GSK3B: variants seen among roughly 807,000 people sequenced by gnomAD.
GSK3B encodes the protein glycogen synthase kinase-3 beta.
GSK3B carries 15 observed loss-of-function variants against 56.4 expected under a neutral mutation model. The observed-to-expected ratio is 0.27, with a 90% CI of 0.18 to 0.41. The LOEUF (loss-of-function observed/expected upper bound fraction) is 0.41. Among genes scored for constraint, GSK3B ranks in the 10% least tolerant of loss-of-function variants. GSK3B has a pLI of 1.00. For synonymous variants in GSK3B, 181 were observed against 188.9 expected (o/e 0.96, Z 0.34); for missense variants, 300 against 513.4 (o/e 0.58, Z 4.02).
At chr3:119,910,555 C>T (rs549855375) in intron 6 of GSK3B, among the ~76,000 whole-genome samples, 2 of 152,262 alleles carry the variant, frequency 1.3e-5, no homozygotes, top group South Asian at 2.1e-4. Flanking sequence ...GCCTTGATGT[C>T]GATGGCTGCT....
At chr3:119,967,834 TTCTCTCTCTCTC>T (rs202156812) in intron 2 of GSK3B, among the ~76,000 whole-genome samples, 14,285 of 118,914 alleles carry the variant, frequency 0.12, 826 homozygotes, top group African/African-American at 0.14. Flanking sequence ...CTCTTTCTCT[TTCTCTCTCTCTC>T]TCTCTCTCTC....
chr3:120,005,568 G>A (rs2057719567), intron 1 of GSK3B, among the ~76,000 whole-genome samples: 1 of 152,216 alleles, frequency 6.6e-6, no homozygotes, highest in South Asian at 2.1e-4. Context: ...CAGACTAACA[G>A]CAGATCTCTC....
chr3:119,867,465 GA>G (rs1317884892), intron 8 of GSK3B, among the ~76,000 whole-genome samples: 3 of 152,080 alleles, frequency 2.0e-5, no homozygotes, highest in Non-Finnish European at 4.4e-5. Context: ...AAAACTCTCT[GA>G]AAAAATAAAT....
In GSK3B at chr3:119,824,329, GCACACACACACACA is replaced by G. The variant is rs3835183; in HGVS notation, c.*2445_*2458del. ...TGAGAAAGAAAAATCACACATCTCA[GCACACACACACACA>G]CACACACACGCACACATGCACACAC... On this transcript the variant is annotated 3_prime_UTR_variant, in exon 11 of 11. Transcript: ENST00000264235. The G allele has an allele frequency of 9.8e-6, 2 of 204,588 alleles. No homozygotes were observed. Among genetic ancestry groups the G allele is most frequent in the African/African-American group, 4.6e-5 (2 of 43,430 alleles). The allele number at this position is 204,588 out of a possible 1,614,324, so 12.7% of individuals were successfully genotyped here.
intron 1 of GSK3B, among the ~76,000 whole-genome samples, chr3:120,055,641 T>C (rs1433743632): frequency 6.6e-6 from 1 of 151,922 alleles, no homozygotes; most frequent in East Asian, 1.9e-4. Context: ...AAAATAGAGA[T>C]ACAACATTAA....
chr3:119,946,076 A>G (rs151032207), intron 3 of GSK3B, among the ~76,000 whole-genome samples: 1 of 151,180 alleles, frequency 6.6e-6, no homozygotes, highest in Non-Finnish European at 1.5e-5. Context: ...CAGAGGTATC[A>G]TTTAAACTGA....
At chr3:119,861,423 A>C (rs1185995698) in intron 9 of GSK3B, among the ~76,000 whole-genome samples, 1 of 151,268 alleles carries the variant, frequency 6.6e-6, no homozygotes, top group Non-Finnish European at 1.5e-5. Context: ...AGGCACAAGA[A>C]TTGTTTGAAT....
intron 1 of GSK3B, among the ~76,000 whole-genome samples, chr3:120,051,086 C>CT (rs1367263734): frequency 2.0e-5 from 3 of 147,486 alleles, no homozygotes; most frequent in African/African-American, 7.5e-5. Flanking sequence ...AACACCAGGT[C>CT]TAGTAGGGTC....
At chr3:120,082,950 T>C (rs543786809) in intron 1 of GSK3B, among the ~76,000 whole-genome samples, 1 of 152,002 alleles carries the variant, frequency 6.6e-6, no homozygotes, top group Non-Finnish European at 1.5e-5. Flanking sequence ...TTCTTCTGAA[T>C]AGCTCTAGTC....
intron 2 of GSK3B, among the ~76,000 whole-genome samples, chr3:119,962,402 A>T (rs1485514147): frequency 1.3e-5 from 2 of 151,752 alleles, no homozygotes; most frequent in Non-Finnish European, 2.9e-5. Context: ...AAAAACAAAA[A>T]AACAAAAAAA....
In GSK3B at chr3:119,936,324, A is replaced by AATATATATAAAAAATATATAT. The variant is rs2056993325; in HGVS notation, c.366+10923_366+10943dup. On this transcript the variant is annotated intron_variant, in intron 3 of 10. Transcript: ENST00000264235. The stretch of plus-strand genomic sequence containing the variant: ...TAACATAAATATATATAAAAATATA[A>AATATATATAAAAAATATATAT]ATATATATAAAAAATATATATATAT... 6.3e-5 allele frequency among the ~76,000 whole-genome samples: 9 copies of AATATATATAAAAAATATATAT among 143,766 alleles called. No homozygotes were observed. The Admixed American group carries it at 6.3e-4, about 10-fold the overall frequency. The allele number at this position is 143,766 out of a possible 152,430, so 94.3% of individuals were successfully genotyped here. A position where few individuals can be genotyped will look rare whatever the true frequency, so the allele number is the denominator to read the frequency against.
chr3:119,978,677 T>C (rs2057431583), intron 2 of GSK3B, among the ~76,000 whole-genome samples: 2 of 152,100 alleles, frequency 1.3e-5, no homozygotes, highest in South Asian at 4.1e-4. Context: ...CCTTTTTTTT[T>C]CTTCCTCTCT....
chr3:119,951,440 G>A (rs1445524868), intron 2 of GSK3B, among the ~76,000 whole-genome samples: 2 of 152,086 alleles, frequency 1.3e-5, no homozygotes, highest in African/African-American at 2.4e-5. Context: ...GCTTGGTGGC[G>A]CATGCCTGTA....
chr3:120,004,935 T>C (rs2057712397), intron 1 of GSK3B, among the ~76,000 whole-genome samples: 2 of 152,118 alleles, frequency 1.3e-5, no homozygotes, highest in African/African-American at 4.8e-5. Flanking sequence ...TTTGACAAGA[T>C]GACAGAAGTA....
intron 1 of GSK3B, among the ~76,000 whole-genome samples, chr3:120,049,410 T>C (rs375898226): frequency 6.6e-6 from 1 of 152,138 alleles, no homozygotes. Flanking sequence ...GTAGAGGGTA[T>C]GAAGGAAGCA....
chr3:119,954,052 A>T (rs1027014333), intron 2 of GSK3B, among the ~76,000 whole-genome samples: 3 of 152,034 alleles, frequency 2.0e-5, no homozygotes, highest in African/African-American at 7.2e-5. Context: ...AACATACTAT[A>T]AGTGTTTTAA....
At chr3:120,082,862 A>G (rs1287030235) in intron 1 of GSK3B, among the ~76,000 whole-genome samples, 1 of 152,176 alleles carries the variant, frequency 6.6e-6, no homozygotes, top group Non-Finnish European at 1.5e-5. Flanking sequence ...AATTAATTTC[A>G]CTTGTGTCTA....
At chr3:120,090,814 G>C (rs905865127) in intron 1 of GSK3B, among the ~76,000 whole-genome samples, 2 of 152,054 alleles carry the variant, frequency 1.3e-5, no homozygotes, top group Admixed American at 6.6e-5. Flanking sequence ...AATCAAACTT[G>C]TACAGAACCC....
chr3:119,907,109 A>C (rs775915250), intron 6 of GSK3B, among the ~76,000 whole-genome samples: 34 of 152,152 alleles, frequency 2.2e-4, no homozygotes, highest in Non-Finnish European at 4.6e-4. Flanking sequence ...ACTAACTGTT[A>C]TAGTCAAGCG....
Sources: allele counts gnomAD v4.1 joint callset (sites outside exome capture counted in the v4.1 genomes callset), GRCh38; gene constraint gnomAD v4.1.1; transcripts MANE v1.5; gene names NCBI Gene and HGNC (gene_info 2026-07-23, HGNC 2026-07-21).